Variants in PSEN2 observed in about 807,000 individuals in gnomAD.
PSEN2 encodes presenilin 2.
A neutral mutation model predicts 49.1 loss-of-function variants in PSEN2; 32 were observed. The observed-to-expected ratio is 0.65, with a 90% CI of 0.49 to 0.88. The LOEUF (loss-of-function observed/expected upper bound fraction) is 0.88, where lower values mean the gene tolerates loss of function less well. PSEN2 is among the 40% of genes least tolerant of loss of function. The probability of loss-of-function intolerance (pLI) is 0.00; values close to 1 mark genes in which losing one functional copy is unlikely to be tolerated. For missense variants in PSEN2, 522 were observed against 586.9 expected (o/e 0.89, Z 1.14); for synonymous variants, 255 against 244.0 (o/e 1.05, Z -0.42).
rs746664513 is a variant in PSEN2 at position 226,883,767 on chromosome 1, TC to T, written c.207del (p.Arg71GlyfsTer9). On this transcript the variant is annotated frameshift_variant, in exon 5 of 13. Coordinates refer to ENST00000366783, the MANE Select transcript of PSEN2 (RefSeq NM_000447.3). LOFTEE classifies it high-confidence loss of function. ...CTGACCGCTATGTCTGTAGTGGGGT[TC>T]CCGGGCGGCCGCCAGGCCTGGAGGA... is the stretch of plus-strand genomic sequence containing the variant. ...DPDRYVCSGV[P>X]GRPPGLEEEL... 2.5e-6 allele frequency: 4 copies of T among 1,614,040 alleles called. No individual in the cohort carries two copies. The highest frequency in any genetic ancestry group is 3.4e-6 in the Non-Finnish European group (4 of 1,180,000).
chr1:226,873,941 C>T (rs1325508995), intron 2 of PSEN2, among the ~76,000 whole-genome samples: 1 of 152,146 alleles, frequency 6.6e-6, no homozygotes, highest in Non-Finnish European at 1.5e-5. Context: ...AGGACACTTT[C>T]CCACCCTCCC....
At chr1:226,887,612 C>T (rs1661445187) in intron 6 of PSEN2, among the ~76,000 whole-genome samples, 2 of 152,096 alleles carry the variant, frequency 1.3e-5, no homozygotes, top group Admixed American at 1.3e-4. Context: ...AAAATAGCAC[C>T]CCAGTGAGTC....
chr1:226,895,727 C>T lies in PSEN2; in HGVS notation c.*148C>T. On this transcript the variant is annotated 3_prime_UTR_variant, in exon 13 of 13. Coordinates refer to ENST00000366783, the MANE Select transcript of PSEN2 (RefSeq NM_000447.3). ...TTTACTTGGTGAGGAGGAGGCAGAA[C>T]CAGCTCTTTGGTGCCAGCTGTTTCA... The T allele has an allele frequency of 2.0e-6, 2 of 1,011,846 alleles. No homozygotes were observed. The highest frequency in any genetic ancestry group is 2.9e-6 in the Non-Finnish European group (2 of 697,768). 62.7% of individuals were successfully genotyped at this position (1,011,846 alleles called of 1,614,324 possible).
chr1:226,891,396 C>T (rs199833363), intron 10 of PSEN2, 35 bp downstream of exon 10: 4 of 1,563,318 alleles, frequency 2.6e-6, no homozygotes, highest in Non-Finnish European at 3.5e-6. Flanking sequence ...CCTCTCATCA[C>T]TGGGGGGCAG....
chr1:226,880,457 A>G, intron 3 of PSEN2: 2 of 1,403,260 alleles, frequency 1.4e-6, no homozygotes, highest in Non-Finnish European at 1.9e-6. Context: ...CACACCTGCT[A>G]TCCCTGCCCA....
At chr1:226,885,416 G>A in intron 5 of PSEN2, 122 bp from the exon 6 acceptor site, 1 of 1,117,932 alleles carries the variant, frequency 8.9e-7, no homozygotes, top group African/African-American at 1.5e-5. Context: ...CTCCATCAGG[G>A]CAGCATGTGG....
At chr1:226,889,839 A>C (rs1336945391) in intron 8 of PSEN2, among the ~76,000 whole-genome samples, 196 bp from the exon 9 acceptor site, 3 of 152,160 alleles carry the variant, frequency 2.0e-5, no homozygotes, top group Non-Finnish European at 4.4e-5. Flanking sequence ...CCATGCTTGC[A>C]GTTGCCTGCG....
At chr1:226,882,395 G>A (rs115681617) in intron 4 of PSEN2, among the ~76,000 whole-genome samples, 133 of 152,344 alleles carry the variant, frequency 8.7e-4, no homozygotes, top group Non-Finnish European at 1.4e-3. Flanking sequence ...TAGGATGGTA[G>A]CAGGGGAAGC....
chr1:226,901,076 A>G (rs576065466), downstream of PSEN2, among the ~76,000 whole-genome samples: 26 of 152,324 alleles, frequency 1.7e-4, no homozygotes, highest in Admixed American at 1.6e-3. Flanking sequence ...TAGCAGAAAT[A>G]GGTCCTCCCT....
chr1:226,892,416 A>T (rs948660632), intron 11 of PSEN2, among the ~76,000 whole-genome samples: 1 of 152,184 alleles, frequency 6.6e-6, no homozygotes, highest in Non-Finnish European at 1.5e-5. Context: ...GCCTGGAGAC[A>T]TGCGAAGATA....
At chr1:226,887,359 G>T (rs753613607) in intron 6 of PSEN2, among the ~76,000 whole-genome samples, 1 of 152,152 alleles carries the variant, frequency 6.6e-6, no homozygotes. Flanking sequence ...CCAGGGCCAC[G>T]CTGAGGTCCC....
chr1:226,889,978 C>A, intron 8 of PSEN2, 57 bp from the exon 9 acceptor site: 1 of 1,404,130 alleles, frequency 7.1e-7, no homozygotes, highest in African/African-American at 1.4e-5. Flanking sequence ...ACAGGGCAGG[C>A]TCTTCTTCAG....
chr1:226,874,864 C>T (rs771608754), intron 2 of PSEN2, among the ~76,000 whole-genome samples: 3 of 152,308 alleles, frequency 2.0e-5, no homozygotes, highest in Non-Finnish European at 2.9e-5. Flanking sequence ...CCCTGTCAGT[C>T]TCCAAAGCCT....
In PSEN2 at chr1:226,894,067, C is replaced by CTGCCACGGGCAGCGGGGACTGGAA; in HGVS notation, c.1135_1158dup (p.Ala379_Asn386dup). ...TACAGTGTGCTGGTGGGCAAGGCGG[C>CTGCCACGGGCAGCGGGGACTGGAA]TGCCACGGGCAGCGGGGACTGGAAT... On this transcript the variant is annotated inframe_insertion, in exon 12 of 13. Transcript: ENST00000366783. 2 of 1,614,218 alleles carry CTGCCACGGGCAGCGGGGACTGGAA rather than the reference C, an allele frequency of 1.2e-6. No individual in the cohort carries two copies. The highest frequency in any genetic ancestry group is 2.7e-5 in the African/African-American group (2 of 75,064).
chr1:226,891,906 G>C, intron 11 of PSEN2, 62 bp downstream of exon 11: 2 of 1,451,832 alleles, frequency 1.4e-6, no homozygotes, highest in Non-Finnish European at 1.9e-6. Context: ...ACAGAGGGTG[G>C]AGGCTCCCTG....
chr1:226,871,573 C>T (rs1660294807), intron 2 of PSEN2, among the ~76,000 whole-genome samples, 169 bp downstream of exon 2: 1 of 152,162 alleles, frequency 6.6e-6, no homozygotes, highest in Non-Finnish European at 1.5e-5. Flanking sequence ...AAATGGAGAA[C>T]CTGAGAGCAT....
intron 12 of PSEN2, among the ~76,000 whole-genome samples, chr1:226,894,452 G>C (rs1219393185): frequency 6.6e-6 from 1 of 152,256 alleles, no homozygotes; most frequent in East Asian, 1.9e-4. Flanking sequence ...AGGTGGTTGT[G>C]ATGACATCAG....
intron 12 of PSEN2, among the ~76,000 whole-genome samples, chr1:226,901,792 A>G (rs1389512242): frequency 6.6e-6 from 1 of 152,240 alleles, no homozygotes; most frequent in African/African-American, 2.4e-5. Flanking sequence ...GATAACATTA[A>G]TTCTTGAAGA....
At chr1:226,890,627 A>G (rs1261961703) in intron 9 of PSEN2, 1 of 230,112 alleles carries the variant, frequency 4.3e-6, no homozygotes, top group Non-Finnish European at 8.7e-6. Flanking sequence ...CAGTCAACAA[A>G]GGCACATCAA....
Sources: gnomAD v4.1 joint callset for allele counts (sites outside exome capture counted in the v4.1 genomes callset) on GRCh38, gnomAD v4.1.1 for gene constraint, MANE v1.5 for transcripts, NCBI Gene and HGNC (gene_info 2026-07-23, HGNC 2026-07-21) for gene names.